The following LRRTM4 variants were observed in gnomAD, a reference collection of about 807,000 sequenced individuals.
LRRTM4 encodes leucine-rich repeat transmembrane neuronal protein 4.
In LRRTM4, 25 loss-of-function variants were observed where a neutral mutation model predicts 47.6. The observed-to-expected ratio is 0.53, with a 90% confidence interval of 0.38 to 0.73. LRRTM4 has a LOEUF of 0.73. Among genes scored for constraint, LRRTM4 ranks in the 30% least tolerant of loss-of-function variants. The pLI is 0.00. For synonymous variants in LRRTM4, 311 were observed against 269.5 expected, an observed-to-expected ratio of 1.15 and a Z score of -1.51; for missense variants, 638 against 713.4, an observed-to-expected ratio of 0.89 and a Z score of 1.20.
intron 3 of LRRTM4, among the ~76,000 whole-genome samples, chr2:77,038,424 A>G (rs999587908): frequency 2.0e-4 from 31 of 151,552 alleles, no homozygotes; most frequent in African/African-American, 7.5e-4. Flanking sequence ...TTCACAAGTT[A>G]GCATTACCTT....
chr2:76,980,745 T>A (rs1362906492), intron 3 of LRRTM4, among the ~76,000 whole-genome samples: 1 of 152,034 alleles, frequency 6.6e-6, no homozygotes, highest in Non-Finnish European at 1.5e-5. Flanking sequence ...TGAGAAAAGA[T>A]TTCTAGTGTT....
intron 3 of LRRTM4, among the ~76,000 whole-genome samples, chr2:76,826,283 C>T (rs1255509112): frequency 6.6e-6 from 1 of 151,444 alleles, no homozygotes. Context: ...CAAGAAGTAG[C>T]TTAATAGAGT....
At chr2:77,010,708 C>T (rs1173444068) in intron 3 of LRRTM4, among the ~76,000 whole-genome samples, 1 of 152,050 alleles carries the variant, frequency 6.6e-6, no homozygotes, top group Non-Finnish European at 1.5e-5. Context: ...TATCTGCCTT[C>T]TTTTCTCTGC....
chr2:77,279,132 A>G (rs1676442734), intron 3 of LRRTM4, among the ~76,000 whole-genome samples: 1 of 151,988 alleles, frequency 6.6e-6, no homozygotes, highest in Non-Finnish European at 1.5e-5. Flanking sequence ...ACTTGCTTTC[A>G]TCTTACTCAT....
At chr2:76,950,156 C>G (rs903919915) in intron 3 of LRRTM4, among the ~76,000 whole-genome samples, 1 of 151,902 alleles carries the variant, frequency 6.6e-6, no homozygotes, top group Admixed American at 6.6e-5. Context: ...CACTTCAGAG[C>G]ATTTCACTGG....
intron 3 of LRRTM4, among the ~76,000 whole-genome samples, chr2:77,427,803 C>T (rs1337199242): frequency 6.6e-6 from 1 of 152,136 alleles, no homozygotes; most frequent in Non-Finnish European, 1.5e-5. Flanking sequence ...ATATATAAAT[C>T]AATGTTACTA....
At chr2:77,410,271 G>A (rs1674366411) in intron 3 of LRRTM4, among the ~76,000 whole-genome samples, 1 of 152,110 alleles carries the variant, frequency 6.6e-6, no homozygotes, top group South Asian at 2.1e-4. Flanking sequence ...TGTAACTAGA[G>A]TCTGATATTG....
intron 3 of LRRTM4, among the ~76,000 whole-genome samples, chr2:77,278,865 C>G (rs1676436153): frequency 6.6e-6 from 1 of 151,942 alleles, no homozygotes; most frequent in African/African-American, 2.4e-5. Flanking sequence ...CATTCATTAC[C>G]TACGACTGTC....
chr2:77,368,564 A>C (rs1321840270), intron 3 of LRRTM4, among the ~76,000 whole-genome samples: 1 of 151,862 alleles, frequency 6.6e-6, no homozygotes, highest in East Asian at 1.9e-4. Context: ...GATTAAGATT[A>C]GTCGTAGAGC....
intron 3 of LRRTM4, among the ~76,000 whole-genome samples, chr2:77,205,457 G>A (rs1246139633): frequency 1.3e-5 from 2 of 152,118 alleles, no homozygotes; most frequent in Non-Finnish European, 2.9e-5. Context: ...AGAAGAGCTG[G>A]CACTACTAAG....
chr2:77,186,058 A>G (rs1673496442), intron 3 of LRRTM4, among the ~76,000 whole-genome samples: 1 of 152,210 alleles, frequency 6.6e-6, no homozygotes, highest in Admixed American at 6.5e-5. Flanking sequence ...AAAGCTACAG[A>G]GTGGCAGAAC....
intron 3 of LRRTM4, among the ~76,000 whole-genome samples, chr2:76,969,587 T>A (rs572318408): frequency 6.6e-6 from 1 of 151,872 alleles, no homozygotes; most frequent in East Asian, 1.9e-4. Flanking sequence ...TAATGCATGC[T>A]GAACCAAGCT....
rs557293703 is a variant in LRRTM4 at position 77,323,159 on chromosome 2, A to G, written c.1551+195159T>C. On this transcript the variant is annotated intron_variant, in intron 3 of 3. Coordinates refer to ENST00000409884, the MANE Select transcript of LRRTM4 (RefSeq NM_001134745.3). ...CTCCAGTGGGCAGTCACCCAGACCT[A>G]ATTGTCATATGACAATCTCCTGTCC... Among the ~76,000 whole-genome samples the G allele has an allele frequency of 2.0e-5, 3 of 152,110 alleles. No homozygotes were observed. In the East Asian group the frequency reaches 5.8e-4, roughly 30 times the overall value.
intron 2 of LRRTM4, among the ~76,000 whole-genome samples, chr2:77,520,478 C>T (rs763497182): frequency 5.9e-5 from 9 of 152,012 alleles, no homozygotes; most frequent in Admixed American, 3.3e-4. Context: ...AGACTAATAA[C>T]GGTACGAGGT....
At chr2:77,293,933 A>G (rs1387842568) in intron 3 of LRRTM4, among the ~76,000 whole-genome samples, 1 of 152,104 alleles carries the variant, frequency 6.6e-6, no homozygotes, top group Non-Finnish European at 1.5e-5. Flanking sequence ...GAATATATAT[A>G]TGAATAACAA....
intron 3 of LRRTM4, among the ~76,000 whole-genome samples, chr2:77,387,003 T>C (rs569309211): frequency 7.1e-4 from 108 of 152,214 alleles, no homozygotes; most frequent in African/African-American, 2.5e-3. Context: ...CAATTACTTC[T>C]CAATTTACTG....
intron 3 of LRRTM4, among the ~76,000 whole-genome samples, chr2:77,192,550 A>C (rs1452441658): frequency 6.6e-6 from 1 of 152,130 alleles, no homozygotes; most frequent in Non-Finnish European, 1.5e-5. Flanking sequence ...AAAAATGTAA[A>C]AATAATTTTA....
chr2:76,784,622 G>A (rs1674575439), intron 3 of LRRTM4, among the ~76,000 whole-genome samples: 1 of 151,912 alleles, frequency 6.6e-6, no homozygotes, highest in African/African-American at 2.4e-5. Context: ...TATTTACTAT[G>A]GGGCACCACT....
At chr2:77,219,462 G>GA (rs1008352013) in intron 3 of LRRTM4, among the ~76,000 whole-genome samples, 60 of 151,596 alleles carry the variant, frequency 4.0e-4, no homozygotes, top group Admixed American at 7.2e-4. Context: ...AAACATACAG[G>GA]AAAAAAAACA....
Sources: allele counts gnomAD v4.1 joint callset (sites outside exome capture counted in the v4.1 genomes callset), GRCh38; gene constraint gnomAD v4.1.1; transcripts MANE v1.5; gene names NCBI Gene and HGNC (gene_info 2026-07-23, HGNC 2026-07-21).